PTPRN2: variants seen among roughly 807,000 people sequenced by gnomAD.
The protein encoded by PTPRN2 is protein tyrosine phosphatase receptor type N2, also known as receptor-type tyrosine-protein phosphatase N2.
In PTPRN2, 74 loss-of-function variants were observed where a neutral mutation model predicts 118.8. That is an observed-to-expected ratio of 0.62 (90% confidence interval 0.52 to 0.76). The LOEUF (loss-of-function observed/expected upper bound fraction) is 0.76, where lower values mean the gene tolerates loss of function less well. Among genes scored for constraint, PTPRN2 ranks in the 30% least tolerant of loss-of-function variants. PTPRN2 has a pLI of 0.00. For synonymous variants in PTPRN2, 641 were observed against 608.0 expected (o/e 1.05, Z -0.80); for missense variants, 1,481 against 1,394.4 (o/e 1.06, Z -0.99).
intron 5 of PTPRN2, among the ~76,000 whole-genome samples, chr7:158,172,594 C>A (rs1038436282): frequency 6.6e-6 from 1 of 150,662 alleles, no homozygotes; most frequent in East Asian, 2.0e-4. Flanking sequence ...ACTATCTCCA[C>A]CATCAACAAC....
At chr7:158,293,922 C>A (rs1800287180) in intron 3 of PTPRN2, among the ~76,000 whole-genome samples, 1 of 152,220 alleles carries the variant, frequency 6.6e-6, no homozygotes, top group African/African-American at 2.4e-5. Flanking sequence ...ATGCCTTCTG[C>A]CGGCATATCT....
chr7:157,743,979 G>A (rs570104802), intron 12 of PTPRN2, among the ~76,000 whole-genome samples: 7 of 152,354 alleles, frequency 4.6e-5, no homozygotes, highest in Admixed American at 2.6e-4. Flanking sequence ...GCTGTGAGGC[G>A]GTGCCGTGAC....
intron 2 of PTPRN2, among the ~76,000 whole-genome samples, chr7:158,337,119 C>T (rs1169180699): frequency 6.6e-6 from 1 of 151,996 alleles, no homozygotes; most frequent in Non-Finnish European, 1.5e-5. Context: ...AGAGCTGAGG[C>T]CCACAGAGGT....
intron 2 of PTPRN2, among the ~76,000 whole-genome samples, chr7:158,399,740 G>C (rs1203363070): frequency 6.6e-6 from 1 of 152,184 alleles, no homozygotes; most frequent in African/African-American, 2.4e-5. Context: ...AAGAAAAAAA[G>C]TGTGACAAGG....
At chr7:158,468,651 G>C (rs1017948018) in intron 2 of PTPRN2, among the ~76,000 whole-genome samples, 2 of 152,186 alleles carry the variant, frequency 1.3e-5, no homozygotes, top group Admixed American at 6.5e-5. Context: ...CTTGAATAGA[G>C]AGGGGTGCGC....
intron 9 of PTPRN2, among the ~76,000 whole-genome samples, chr7:158,112,671 C>T (rs1330646228): frequency 2.6e-5 from 4 of 152,248 alleles, no homozygotes; most frequent in Non-Finnish European, 4.4e-5. Context: ...CCCAGCAGGG[C>T]GTCCAGGCTA....
chr7:158,264,919 CT>C (rs972953760), intron 3 of PTPRN2, among the ~76,000 whole-genome samples: 1 of 152,126 alleles, frequency 6.6e-6, no homozygotes, highest in Non-Finnish European at 1.5e-5. Flanking sequence ...TCTTCCCTCC[CT>C]TTTCTGCCTT....
intron 11 of PTPRN2, among the ~76,000 whole-genome samples, chr7:158,071,862 T>C (rs1563393881): frequency 3.2e-4 from 3 of 9,320 alleles, no homozygotes; most frequent in African/African-American, 7.0e-4. Flanking sequence ...GTGGAGGTGC[T>C]CGTCATATGG....
At chr7:157,688,143 T>C (rs1797285129) in intron 12 of PTPRN2, among the ~76,000 whole-genome samples, 1 of 152,234 alleles carries the variant, frequency 6.6e-6, no homozygotes, top group African/African-American at 2.4e-5. Flanking sequence ...AAATTATTCT[T>C]AAATGTAAAC....
At chr7:158,399,871 G>A (rs894035008) in intron 2 of PTPRN2, among the ~76,000 whole-genome samples, 5 of 152,194 alleles carry the variant, frequency 3.3e-5, no homozygotes, top group Non-Finnish European at 7.3e-5. Flanking sequence ...GTCAGTTGGA[G>A]CTCTCCCAGC....
intron 13 of PTPRN2, among the ~76,000 whole-genome samples, chr7:157,678,677 C>T (rs773025315): frequency 5.9e-5 from 9 of 152,112 alleles, no homozygotes; most frequent in Non-Finnish European, 7.4e-5. Context: ...AGGAGGTCCC[C>T]GTGGCCCGGA....
chr7:157,820,916 G>T (rs764658559), intron 12 of PTPRN2, among the ~76,000 whole-genome samples: 8 of 152,262 alleles, frequency 5.3e-5, no homozygotes, highest in Non-Finnish European at 1.0e-4. Flanking sequence ...GAGGATGAAG[G>T]AAACAGTAAC....
chr7:157,563,065 A>G (rs1282280793), intron 21 of PTPRN2, among the ~76,000 whole-genome samples: 5 of 95,844 alleles, frequency 5.2e-5, no homozygotes, highest in East Asian at 3.7e-4. Flanking sequence ...ACCACACACC[A>G]CAGATCAGGA....
intron 3 of PTPRN2, among the ~76,000 whole-genome samples, chr7:158,223,225 C>T (rs1035411723): frequency 2.0e-5 from 3 of 151,960 alleles, no homozygotes; most frequent in Non-Finnish European, 4.4e-5. Flanking sequence ...GATGGTTTCA[C>T]CAAAGAATTA....
chr7:157,562,310 G>A (rs1248525272), intron 21 of PTPRN2, among the ~76,000 whole-genome samples: 1 of 152,168 alleles, frequency 6.6e-6, no homozygotes, highest in Non-Finnish European at 1.5e-5. Flanking sequence ...GAGGGGTGAT[G>A]GGGCTGGGCC....
chr7:158,234,397 A>G (rs1408619982), intron 3 of PTPRN2, among the ~76,000 whole-genome samples: 1 of 152,242 alleles, frequency 6.6e-6, no homozygotes, highest in African/African-American at 2.4e-5. Context: ...GCAAACAGAT[A>G]TAGTCATCAA....
Position 158,178,602 on chromosome 7 carries a change from T to C in PTPRN2, c.550-11311A>G, listed in dbSNP as rs1400040606. On this transcript the variant is annotated intron_variant, in intron 5 of 22. Coordinates refer to ENST00000389418, the MANE Select transcript of PTPRN2 (RefSeq NM_002847.5). ...TACATTTTCTTTCTTTTTTTTTTTTTTTTTTTTTTTTTTTAAGATGGAGTC... is the reference window on the plus strand; with the variant it reads ...TACATTTTCTTTCTTTTTTTTTTTTCTTTTTTTTTTTTTTAAGATGGAGTC... Among the ~76,000 whole-genome samples the C allele has an allele frequency of 8.1e-4, 114 of 141,310 alleles. 1 individual carries two copies. Among genetic ancestry groups the C allele is most frequent in the African/African-American group, 2.8e-3 (109 of 38,408 alleles). 92.7% of individuals were successfully genotyped at this position (141,310 alleles called of 152,430 possible). A position where few individuals can be genotyped will look rare whatever the true frequency, so the allele number is the denominator to read the frequency against.
chr7:158,329,695 G>A (rs1262733637), intron 2 of PTPRN2, among the ~76,000 whole-genome samples: 3 of 152,184 alleles, frequency 2.0e-5, no homozygotes, highest in African/African-American at 7.2e-5. Context: ...CTAAGACACT[G>A]CGTATTATTA....
chr7:158,441,072 ATGGTGGTGC>A (rs1223045268), intron 2 of PTPRN2, among the ~76,000 whole-genome samples: 1 of 102,282 alleles, frequency 9.8e-6, no homozygotes, highest in Non-Finnish European at 2.0e-5. Context: ...GGTGGTAGTG[ATGGTGGTGC>A]TGGTGGTAGT....
Sources: allele counts gnomAD v4.1 joint callset (sites outside exome capture counted in the v4.1 genomes callset), GRCh38; gene constraint gnomAD v4.1.1; transcripts MANE v1.5; gene names NCBI Gene and HGNC (gene_info 2026-07-23, HGNC 2026-07-21).